COL16A1: variants seen among roughly 807,000 people sequenced by gnomAD.
The protein encoded by COL16A1 is collagen type XVI alpha 1 chain, also known as collagen alpha-1(XVI) chain.
Under a neutral mutation model 266.3 loss-of-function variants are expected in COL16A1, and 189 were observed. That is an observed-to-expected ratio of 0.71 (90% CI 0.63 to 0.80). The LOEUF (loss-of-function observed/expected upper bound fraction) is 0.80, where lower values mean the gene tolerates loss of function less well. Ranked by LOEUF, COL16A1 falls within the 30% of genes least tolerant of loss-of-function variation. The pLI, the probability that COL16A1 is intolerant of heterozygous loss-of-function variation, is 0.00. For missense variants in COL16A1, 1,928 were observed against 2,122.4 expected (o/e 0.91, Z 1.80); for synonymous variants, 740 against 782.3 (o/e 0.95, Z 0.90).
intron 8 of COL16A1, 75 bp downstream of exon 8, chr1:31,696,888 A>G (rs1253798674): frequency 6.3e-6 from 10 of 1,595,442 alleles, no homozygotes; most frequent in African/African-American, 1.3e-5. Context: ...CTGGTGGCAG[A>G]CGTCAGTCAG....
chr1:31,689,755 G>A lies in COL16A1; in HGVS notation c.1606C>T (p.Pro536Ser), dbSNP rs1644170786. The change falls in exon 23 of 71, where the codon CCT (proline) becomes TCT (serine). Residue 536 changes from proline to serine, a missense_variant. Around this residue, in one of 2 missense-constraint regions of COL16A1, gnomAD observed 1,552 missense variants for 1,637.2 expected, o/e 0.95. Transcript: ENST00000373672. Reference protein sequence around the residue: ...KPGPKGEPGDPVPARGDPGIQ... With the variant: ...KPGPKGEPGDSVPARGDPGIQ... ...TGGGCACTCACCCTGGCTGGTACAG[G>A]ATCACCAGGCTCCCCTTTGGGCCCT... 1 of 1,614,036 alleles carries A rather than the reference G, an allele frequency of 6.2e-7. No homozygotes were observed. Among genetic ancestry groups the A allele is most frequent in the Admixed American group, 1.7e-5 (1 of 60,026 alleles).
Position 31,692,044 on chromosome 1 carries a change from G to A in COL16A1, c.1218C>T (p.Asp406=), listed in dbSNP as rs769714346. The A allele has an allele frequency of 1.2e-5, 19 of 1,613,678 alleles. No homozygotes were observed. Among genetic ancestry groups the A allele is most frequent in the African/African-American group, 8.0e-5 (6 of 74,866 alleles). ...TTCCCGGCACGCCCTTGATGCCTCC[G>A]TCGCCCTTCTCGCCTTTCTGGCCCT... ...GEKGQKGEKG[D]GGIKGVPGKP... is the part of the protein sequence containing the mutation. The change falls in exon 17 of 71, where the codon GAC becomes GAT. Residue 406 remains aspartate, a synonymous_variant. Transcript: ENST00000373672.
In COL16A1 at chr1:31,654,043, T is replaced by C. The variant is rs1212739814; in HGVS notation, c.4358A>G (p.Glu1453Gly). ...CCTGGAGGTGTAGTAAGCCATTCTC[T>C]CTGTAAAAAAAGGACAAGGACAGGG... ...IRQEIIKMFD[E>G]RMAYYTSRMQ... The change falls in exon 69 of 71, where the codon GAG becomes GGG. Residue 1453 changes from glutamate to glycine, a missense_variant and splice_region_variant. By Grantham distance (98) the Glu-to-Gly change is moderately conservative. Around this residue, in one of 2 missense-constraint regions of COL16A1, gnomAD observed 376 missense variants for 485.2 expected, o/e 0.77. Coordinates refer to ENST00000373672, the MANE Select transcript of COL16A1 (RefSeq NM_001856.4). 1 of 1,611,310 alleles carries C rather than the reference T, an allele frequency of 6.2e-7. No homozygotes were observed. Among genetic ancestry groups the C allele is most frequent in the Non-Finnish European group, 8.5e-7 (1 of 1,178,646 alleles).
At position 31,689,077 on chromosome 1, in the gene COL16A1, A is replaced by T. The variant is rs764237514; in HGVS notation, c.1629T>A (p.Pro543=). 6.2e-7 allele frequency: 1 copy of T among 1,613,856 alleles called. No homozygotes were observed. The highest frequency in any genetic ancestry group is 8.5e-7 in the Non-Finnish European group (1 of 1,180,002). The part of the protein sequence containing the change: ...PGDPVPARGD[P]GIQGIKGEKG... ...TCTCTCCTTTGATGCCTTGGATGCC[A>T]GGGTCTCCCTGCAGGGTAAAAAGGT... Residue 543 remains proline (P), a synonymous_variant, in exon 24 of 71, where the codon CCT becomes CCA. Transcript: ENST00000373672.
At position 31,692,046 on chromosome 1, in the gene COL16A1, CGCCCTTCTCGCCT is replaced by C. The variant is rs1426133290; in HGVS notation, c.1203_1215del (p.Gly402ThrfsTer55). On this transcript the variant is annotated frameshift_variant, in exon 17 of 71. Coordinates refer to ENST00000373672, the MANE Select transcript of COL16A1 (RefSeq NM_001856.4). LOFTEE classifies it high-confidence loss of function. ...CCCGGCACGCCCTTGATGCCTCCGT[CGCCCTTCTCGCCT>C]TTCTGGCCCTGGGGAAGGAAGAAGC... 6 of 1,613,708 alleles carry C rather than the reference CGCCCTTCTCGCCT, an allele frequency of 3.7e-6. No individual in the cohort carries two copies. In the African/African-American group the frequency reaches 8.0e-5, roughly 22 times the overall value.
rs1640701515 is a variant in COL16A1, at chr1:31,652,352, C to T, written c.*299G>A. ...CTCCTGGGCTCAGGCGATCCTCCCA[C>T]CTCAGCCCCTTGAATAGCTAGGATT... On this transcript the variant is annotated 3_prime_UTR_variant, in exon 71 of 71. Transcript: ENST00000373672. The surrounding 1 kb of genome is among the most constrained non-coding windows in gnomAD (Gnocchi z 4.8). 3.0e-5 allele frequency: 6 copies of T among 201,840 alleles called. No homozygotes were observed. The highest frequency in any genetic ancestry group is 1.2e-4 in the Admixed American group (2 of 17,248). 12.5% of individuals were successfully genotyped at this position (201,840 alleles called of 1,614,324 possible). A position where few individuals can be genotyped will look rare whatever the true frequency, so the allele number is the denominator to read the frequency against.
chr1:31,665,769 A>G, intron 54 of COL16A1, 113 bp downstream of exon 54: 1 of 1,600,360 alleles, frequency 6.2e-7, no homozygotes, highest in South Asian at 1.1e-5. Flanking sequence ...GGCTCTGGGC[A>G]TGAGGTAGGT....
rs762968579 is a variant in COL16A1, at chr1:31,661,432, A to G, written c.3753T>C (p.Pro1251=). The change falls in exon 60 of 71, where the codon CCT becomes CCC. Residue 1251 remains proline (P), a synonymous_variant. Transcript: ENST00000373672. ...CCCTTACCTTAGGTCCTGGGAGGCC[A>G]GGATGTCCTGTTTTCCCCTTAAAGC... ...PPGFKGKTGH[P]GLPGPKGDCG... is the part of the protein sequence containing the mutation. The G allele has an allele frequency of 3.9e-5, 63 of 1,614,004 alleles. No homozygotes were observed. In the South Asian group the frequency reaches 5.7e-4, roughly 15 times the overall value.
Position 31,683,370 on chromosome 1 carries a change from C to G in COL16A1, c.2380-1G>C, listed in dbSNP as rs1003654690. ...GCAAACCCGGGGCTCCAGGCTCCCC[C>G]TGCAAGTCAGAAAGGGCAGACTAGG... On this transcript the variant is annotated splice_acceptor_variant, in intron 34 of 70. Coordinates refer to ENST00000373672, the MANE Select transcript of COL16A1 (RefSeq NM_001856.4). LOFTEE classifies it high-confidence loss of function. The G allele has an allele frequency of 6.8e-6, 11 of 1,613,976 alleles. No homozygotes were observed. The highest frequency in any genetic ancestry group is 9.3e-6 in the Non-Finnish European group (11 of 1,180,054).
chr1:31,684,735 G>T (rs1643887744), intron 30 of COL16A1, 86 bp downstream of exon 30: 2 of 1,609,910 alleles, frequency 1.2e-6, no homozygotes, highest in Admixed American at 3.3e-5. Context: ...GCTGAGGGTT[G>T]GGGGCTAGGG....
At chr1:31,682,126 T>G (rs1643689864) in intron 37 of COL16A1, among the ~76,000 whole-genome samples, 1 of 152,226 alleles carries the variant, frequency 6.6e-6, no homozygotes. Flanking sequence ...TTGGCTGCAA[T>G]TAGATTATCT....
chr1:31,656,823 T>TAAAA lies in COL16A1; in HGVS notation c.4056+206_4056+209dup. On this transcript the variant is annotated intron_variant, in intron 65 of 70. Coordinates refer to ENST00000373672, the MANE Select transcript of COL16A1 (RefSeq NM_001856.4). This position sits in a 1 kb window ranked among gnomAD's most constrained non-coding sequence, Gnocchi z 4.2. ...TTTCTTTTTGACCAGGTACAGGGTT[T>TAAAA]AAAAAAAAAAAAAAAAAGGTAAAAC... The TAAAA allele has an allele frequency of 4.2e-6, 2 of 480,062 alleles. No individual in the cohort carries two copies. The highest frequency in any genetic ancestry group is 4.3e-5 in the African/African-American group (2 of 46,004). 29.7% of individuals were successfully genotyped at this position (480,062 alleles called of 1,614,324 possible).
intron 31 of COL16A1, 119 bp from the exon 32 acceptor site, chr1:31,684,350 CA>C: frequency 1.4e-6 from 2 of 1,447,710 alleles, no homozygotes; most frequent in Admixed American, 2.8e-5. Context: ...CCTGGGAAAT[CA>C]AAACAGGCCC....
intron 51 of COL16A1, among the ~76,000 whole-genome samples, chr1:31,667,838 C>A (rs1642274015): frequency 6.6e-6 from 1 of 152,142 alleles, no homozygotes; most frequent in Non-Finnish European, 1.5e-5. Flanking sequence ...ACCCACCCAG[C>A]AGCTTCTGTG....
chr1:31,672,916 A>G, intron 44 of COL16A1, 76 bp from the exon 45 acceptor site: 1 of 1,372,678 alleles, frequency 7.3e-7, no homozygotes, highest in Non-Finnish European at 1.0e-6. Context: ...AGCCCCAGTG[A>G]GAACCCAGAG....
rs1397284162 is a variant in COL16A1, at chr1:31,698,552, C to A, written c.321G>T (p.Leu107=). The A allele has an allele frequency of 2.5e-6, 4 of 1,614,010 alleles. No homozygotes were observed. Among genetic ancestry groups the A allele is most frequent in the Middle Eastern group, 1.6e-4 (1 of 6,084 alleles). ...PEEFALVLTL[L]LKKHTHQKTW... ...TCTTCTGGTGGGTGTGTTTCTTCAGCAGTAGTGTCAGCACCAGGGCAAACT... is the reference window on the plus strand; with the variant it reads ...TCTTCTGGTGGGTGTGTTTCTTCAGAAGTAGTGTCAGCACCAGGGCAAACT... The change falls in exon 5 of 71, where the codon CTG becomes CTT. Residue 107 remains leucine, a synonymous_variant. Transcript: ENST00000373672. The surrounding 1 kb of genome is among the most constrained non-coding windows in gnomAD (Gnocchi z 4.1).
chr1:31,657,252 C>T lies in COL16A1; in HGVS notation c.4021-184G>A, dbSNP rs945259547. 12 of 665,002 alleles carry T rather than the reference C, an allele frequency of 1.8e-5. No individual in the cohort carries two copies. The highest frequency in any genetic ancestry group is 5.4e-5 in the African/African-American group (3 of 55,478). 41.2% of individuals were successfully genotyped at this position (665,002 alleles called of 1,614,324 possible). A position where few individuals can be genotyped will look rare whatever the true frequency, so the allele number is the denominator to read the frequency against. On this transcript the variant is annotated intron_variant, in intron 64 of 70. Transcript: ENST00000373672. This position sits in a 1 kb window ranked among gnomAD's most constrained non-coding sequence, Gnocchi z 6.4. ...CTTAGACCCCCACCCCATACTCCAG[C>T]GTGATCCCAGAGCCCCAACAGCTCC... is the stretch of plus-strand genomic sequence containing the variant.
Position 31,698,832 on chromosome 1 carries a change from G to A in COL16A1, c.267-226C>T, listed in dbSNP as rs1644608906. On this transcript the variant is annotated intron_variant, in intron 4 of 70. Coordinates refer to ENST00000373672, the MANE Select transcript of COL16A1 (RefSeq NM_001856.4). The surrounding 1 kb of genome is among the most constrained non-coding windows in gnomAD (Gnocchi z 4.1). ...GTGAAGGCTGGGTGCGGTGGCTCATGCCTGTAATCCCAGCACTTTGGGAGG... is the reference window on the plus strand; with the variant it reads ...GTGAAGGCTGGGTGCGGTGGCTCATACCTGTAATCCCAGCACTTTGGGAGG... Among the ~76,000 whole-genome samples the A allele has an allele frequency of 6.6e-6, 1 of 152,216 alleles. No individual in the cohort carries two copies. Among genetic ancestry groups the A allele is most frequent in the Admixed American group, 6.5e-5 (1 of 15,280 alleles).
At chr1:31,665,100 T>G in intron 56 of COL16A1, 72 bp downstream of exon 56, 1 of 1,568,976 alleles carries the variant, frequency 6.4e-7, no homozygotes, top group Non-Finnish European at 8.6e-7. Context: ...AGCCTGATGC[T>G]AGGGGTGGGA....
Sources: allele counts gnomAD v4.1 joint callset (sites outside exome capture counted in the v4.1 genomes callset), GRCh38; gene constraint gnomAD v4.1.1; regional missense constraint gnomAD v4.1.1; non-coding constraint Gnocchi (gnomAD v3.1); transcripts MANE v1.5; gene names NCBI Gene and HGNC (gene_info 2026-07-23, HGNC 2026-07-21).